Variants in SDK1 observed in about 807,000 individuals in gnomAD.
SDK1 encodes the protein sidekick cell adhesion molecule 1.
Under a neutral mutation model 245.5 loss-of-function variants are expected in SDK1, and 157 were observed. That is an observed-to-expected ratio of 0.64 (90% CI 0.56 to 0.73). SDK1 has a LOEUF of 0.73. Ranked by LOEUF, SDK1 falls within the 30% of genes least tolerant of loss-of-function variation. The probability of loss-of-function intolerance (pLI) is 0.00; values close to 1 mark genes in which losing one functional copy is unlikely to be tolerated. For missense variants in SDK1, 3,583 were observed against 3,002.3 expected (o/e 1.19, Z -4.52); for synonymous variants, 1,647 against 1,278.5 (o/e 1.29, Z -6.15).
At chr7:3,843,168 A>G (rs1780199972) in intron 5 of SDK1, among the ~76,000 whole-genome samples, 1 of 152,154 alleles carries the variant, frequency 6.6e-6, no homozygotes, top group South Asian at 2.1e-4. Flanking sequence ...ACAGGCATGG[A>G]CACCAATCTT....
At chr7:4,196,623 T>A (rs929159852) in intron 35 of SDK1, among the ~76,000 whole-genome samples, 2 of 152,188 alleles carry the variant, frequency 1.3e-5, no homozygotes, top group African/African-American at 4.8e-5. Flanking sequence ...GCCCAGGCAC[T>A]GCCCGGGGAG....
At chr7:4,234,038 C>T (rs925209411) in intron 41 of SDK1, among the ~76,000 whole-genome samples, 2 of 152,128 alleles carry the variant, frequency 1.3e-5, no homozygotes, top group African/African-American at 2.4e-5. Context: ...GCATCCTTGC[C>T]GAGGAGCATG....
At chr7:3,621,100 C>G (rs912300514) in intron 2 of SDK1, among the ~76,000 whole-genome samples, 1 of 152,132 alleles carries the variant, frequency 6.6e-6, no homozygotes, top group Non-Finnish European at 1.5e-5. Flanking sequence ...GATCCCTCCT[C>G]ATTTGCAGTG....
At chr7:3,939,138 C>A (rs1374277995) in intron 5 of SDK1, among the ~76,000 whole-genome samples, 1 of 152,202 alleles carries the variant, frequency 6.6e-6, no homozygotes, top group Non-Finnish European at 1.5e-5. Context: ...ACGAGAAGAA[C>A]CTAGTCAGCG....
At chr7:4,021,002 T>C (rs1786845521) in intron 17 of SDK1, among the ~76,000 whole-genome samples, 1 of 152,174 alleles carries the variant, frequency 6.6e-6, no homozygotes, top group African/African-American at 2.4e-5. Flanking sequence ...TTTGAATGCT[T>C]CCATAGGGGC....
At chr7:3,536,580 G>C (rs1778893796) in intron 1 of SDK1, among the ~76,000 whole-genome samples, 1 of 151,990 alleles carries the variant, frequency 6.6e-6, no homozygotes, top group Non-Finnish European at 1.5e-5. Flanking sequence ...TGTGATCCCA[G>C]CTACTTGGGA....
At position 3,587,766 on chromosome 7, in the gene SDK1, A is replaced by C. The variant is rs148573304; in HGVS notation, c.299-31314A>C. Among the ~76,000 whole-genome samples, 425 of 152,356 alleles carry C rather than the reference A, an allele frequency of 2.8e-3. 2 individuals are homozygous for C. The highest frequency in any genetic ancestry group is 9.7e-3 in the African/African-American group (405 of 41,582). ...GGCCCACTCAAGTTGACAAAAGTAC[A>C]CTGCCCCTTGGCCTTTCCTGAGTGT... On this transcript the variant is annotated intron_variant, in intron 1 of 44. Coordinates refer to ENST00000404826, the MANE Select transcript of SDK1 (RefSeq NM_152744.4).
intron 4 of SDK1, among the ~76,000 whole-genome samples, chr7:3,729,834 C>T (rs982902215): frequency 6.6e-6 from 1 of 151,582 alleles, no homozygotes; most frequent in South Asian, 2.1e-4. Context: ...CCGAGAAAAT[C>T]CTCGGTTCTC....
At position 3,631,956 on chromosome 7, in the gene SDK1, C is replaced by A. The variant is rs558847869; in HGVS notation, c.459-7048C>A. On this transcript the variant is annotated intron_variant, in intron 2 of 44. Coordinates refer to ENST00000404826, the MANE Select transcript of SDK1 (RefSeq NM_152744.4). ...TGGTTTAGGTCTTTTTTCCATTATG[C>A]GTTGGAATGGATTTTTTTGATTATG... Among the ~76,000 whole-genome samples the A allele has an allele frequency of 2.0e-5, 3 of 152,042 alleles. No homozygotes were observed. In the South Asian group the frequency reaches 6.2e-4, roughly 32 times the overall value.
intron 4 of SDK1, among the ~76,000 whole-genome samples, chr7:3,805,944 A>G (rs916434349): frequency 6.6e-6 from 1 of 152,104 alleles, no homozygotes; most frequent in Non-Finnish European, 1.5e-5. Context: ...CTTCCTTTAC[A>G]GAGCTATTCT....
At chr7:3,501,334 A>C (rs1354346966) in intron 1 of SDK1, among the ~76,000 whole-genome samples, 1 of 151,610 alleles carries the variant, frequency 6.6e-6, no homozygotes, top group Non-Finnish European at 1.5e-5. Context: ...GTTTTCTCCA[A>C]CTTGCTCTTT....
At chr7:3,690,201 C>A (rs372238015) in intron 4 of SDK1, among the ~76,000 whole-genome samples, 2 of 152,106 alleles carry the variant, frequency 1.3e-5, no homozygotes, top group African/African-American at 4.8e-5. Flanking sequence ...TACCTCATCA[C>A]GACGCTAATG....
chr7:4,247,738 G>A (rs190504102), intron 44 of SDK1, among the ~76,000 whole-genome samples: 31 of 152,318 alleles, frequency 2.0e-4, no homozygotes, highest in Middle Eastern at 3.4e-3. Context: ...CAGGGTGAAC[G>A]TGCACTCCTC....
rs150684313 is a variant in SDK1 at position 3,777,421 on chromosome 7, G to A, written c.714-44029G>A. Among the ~76,000 whole-genome samples, 50 of 152,292 alleles carry A rather than the reference G, an allele frequency of 3.3e-4. 2 individuals carry two copies. In the East Asian group the frequency reaches 9.4e-3, roughly 29 times the overall value. The stretch of plus-strand genomic sequence containing the variant: ...AGTTTGATCCTCACCTTGTGAGATC[G>A]TCAGGGCCGGTAGGATGGTTGTCAT... On this transcript the variant is annotated intron_variant, in intron 4 of 44. Coordinates refer to ENST00000404826, the MANE Select transcript of SDK1 (RefSeq NM_152744.4).
rs149103256 is a variant in SDK1, at chr7:4,044,609, A to G, written c.2603-4739A>G. Reference sequence around the variant, plus strand: ...CAGGTGCATGCCACCATGCCTGGCTACTTTTTTTACTTTTGTAGAGACAGA... The same window carrying G: ...CAGGTGCATGCCACCATGCCTGGCTGCTTTTTTTACTTTTGTAGAGACAGA... On this transcript the variant is annotated intron_variant, in intron 17 of 44. Transcript: ENST00000404826. Among the ~76,000 whole-genome samples the G allele has an allele frequency of 6.4e-3, 979 of 151,904 alleles. 3 individuals carry two copies. The highest frequency in any genetic ancestry group is 0.011 in the Non-Finnish European group (731 of 67,940).
intron 28 of SDK1, among the ~76,000 whole-genome samples, chr7:4,141,695 G>A (rs952458967): frequency 6.6e-6 from 1 of 152,166 alleles, no homozygotes; most frequent in East Asian, 1.9e-4. Context: ...GTCGTCTGTC[G>A]GGGCCAGGCC....
intron 19 of SDK1, among the ~76,000 whole-genome samples, chr7:4,058,571 T>G (rs953993644): frequency 3.7e-4 from 56 of 152,134 alleles, no homozygotes; most frequent in African/African-American, 1.4e-3. Flanking sequence ...TATCAAAAGT[T>G]GAAGACAGAA....
intron 4 of SDK1, among the ~76,000 whole-genome samples, chr7:3,708,802 G>T (rs1392712753): frequency 6.6e-6 from 1 of 152,264 alleles, no homozygotes; most frequent in Non-Finnish European, 1.5e-5. Context: ...TACATGTCAA[G>T]TGAGTCTCTT....
At chr7:4,020,898 G>T (rs573149592) in intron 17 of SDK1, among the ~76,000 whole-genome samples, 1 of 152,322 alleles carries the variant, frequency 6.6e-6, no homozygotes, top group East Asian at 1.9e-4. Flanking sequence ...CGTGTGAAAA[G>T]GCTTTCAAAA....
Sources: allele counts gnomAD v4.1 joint callset (sites outside exome capture counted in the v4.1 genomes callset), GRCh38; gene constraint gnomAD v4.1.1; transcripts MANE v1.5; gene names NCBI Gene and HGNC (gene_info 2026-07-23, HGNC 2026-07-21).